The following RNFT1 variants were observed in gnomAD, a reference collection of about 807,000 sequenced individuals.
The protein encoded by RNFT1 is E3 ubiquitin-protein ligase RNFT1.
Under a neutral mutation model 53.2 loss-of-function variants are expected in RNFT1, and 35 were observed. That is an observed-to-expected ratio of 0.66 (90% CI 0.50 to 0.87). RNFT1 has a LOEUF of 0.87. Ranked by LOEUF, RNFT1 falls within the 40% of genes least tolerant of loss-of-function variation. The pLI, the probability that RNFT1 is intolerant of heterozygous loss-of-function variation, is 0.00. For missense variants in RNFT1, 421 were observed against 515.0 expected (o/e 0.82, Z 1.77); for synonymous variants, 141 against 172.8 (o/e 0.82, Z 1.44).
At chr17:59,956,650 ATTAAC>A (rs771969659) in intron 6 of RNFT1, 97 bp from the exon 7 acceptor site, 10 of 802,752 alleles carry the variant, frequency 1.2e-5, no homozygotes, top group Middle Eastern at 2.5e-4. Context: ...AAATCCTCAT[ATTAAC>A]TTAATGTTCA....
At chr17:59,954,450 CTA>C (rs2045241571) in intron 7 of RNFT1, among the ~76,000 whole-genome samples, 2 of 152,152 alleles carry the variant, frequency 1.3e-5, no homozygotes, top group African/African-American at 4.8e-5. Context: ...TGAAATGTAA[CTA>C]TTATAAAATC....
chr17:59,962,944 A>T lies in RNFT1; in HGVS notation c.397T>A (p.Ser133Thr). Residue 133 changes from serine (S) to threonine (T), a missense_variant, in exon 2 of 9, where the codon TCT (serine) becomes ACT (threonine). Transcript: ENST00000305783. ...ARLTDDTAAE[S>T]GDHGSSSFSE... The stretch of plus-strand genomic sequence containing the variant: ...AAGGAGCTACTACCATGATCTCCAG[A>T]TTCTGCGGCAGTATCATCAGTCAGC... 3.1e-6 allele frequency: 5 copies of T among 1,614,224 alleles called. No individual in the cohort carries two copies. The highest frequency in any genetic ancestry group is 3.4e-6 in the Non-Finnish European group (4 of 1,180,046).
Position 59,960,147 on chromosome 17 carries a change from A to G in RNFT1, c.613T>C (p.Cys205Arg), listed in dbSNP as rs2045279439. The change falls in exon 4 of 9, where the codon TGT becomes CGT. Residue 205 changes from cysteine (C) to arginine (R), a missense_variant. By Grantham distance (180) the Cys-to-Arg change is radical. Coordinates refer to ENST00000305783, the MANE Select transcript of RNFT1 (RefSeq NM_016125.4). ...FLRERSSKIQ[C>R]AWLLVFLAGS... ...GCTAAGAATACCAGTAACCAAGCAC[A>G]CTGAATCTTTGAGGACCTTTCCTGA... 1.2e-6 allele frequency: 2 copies of G among 1,606,308 alleles called. No individual in the cohort carries two copies. Among genetic ancestry groups the G allele is most frequent in the Admixed American group, 3.4e-5 (2 of 58,208 alleles).
intron 4 of RNFT1, 91 bp downstream of exon 4, chr17:59,959,977 T>A: frequency 3.4e-6 from 4 of 1,183,072 alleles, no homozygotes; most frequent in Non-Finnish European, 3.4e-6. Context: ...CTGAACTGAA[T>A]ACAATAAGTA....
In RNFT1 at chr17:59,954,150, T is replaced by C. The variant is rs1389880057; in HGVS notation, c.1072-4A>G. On this transcript the variant is annotated splice_region_variant and splice_polypyrimidine_tract_variant and intron_variant, in intron 7 of 8. Coordinates refer to ENST00000305783, the MANE Select transcript of RNFT1 (RefSeq NM_016125.4). ...TGCTGGCAGCCACTCCATAACTCTA[T>C]GAAGATAGTAAGTTCTGTTCATCTA... 2.5e-6 allele frequency: 4 copies of C among 1,571,238 alleles called. No homozygotes were observed. The highest frequency in any genetic ancestry group is 2.3e-5 in the East Asian group (1 of 44,376).
intron 6 of RNFT1, 115 bp downstream of exon 6, chr17:59,957,109 T>C: frequency 9.5e-7 from 1 of 1,056,816 alleles, no homozygotes; most frequent in Non-Finnish European, 1.4e-6. Context: ...CTGCTATTAC[T>C]TCAAACTAGT....
rs749416565 is a variant in RNFT1, at chr17:59,962,907, C to A, written c.434G>T (p.Arg145Leu). Residue 145 changes from arginine (R) to leucine (L), a missense_variant, in exon 2 of 9, where the codon CGC becomes CTC. Coordinates refer to ENST00000305783, the MANE Select transcript of RNFT1 (RefSeq NM_016125.4). ...DHGSSSFSEFRYLFKWLQKSL... is the reference protein window; with the variant it reads ...DHGSSSFSEFLYLFKWLQKSL... ...TTTTTGCAGCCACTTGAAGAGATAG[C>A]GGAATTCTGAGAAGGAGCTACTACC... 20 of 1,614,122 alleles carry A rather than the reference C, an allele frequency of 1.2e-5. No individual in the cohort carries two copies. The highest frequency in any genetic ancestry group is 1.5e-5 in the Non-Finnish European group (18 of 1,180,010).
At chr17:59,955,283 C>T (rs931069763) in intron 7 of RNFT1, among the ~76,000 whole-genome samples, 1 of 152,086 alleles carries the variant, frequency 6.6e-6, no homozygotes, top group African/African-American at 2.4e-5. Context: ...GTGTCAATTT[C>T]CCTTCAGTAA....
intron 4 of RNFT1, chr17:59,959,845 G>A (rs1250503947): frequency 7.6e-6 from 2 of 262,926 alleles, no homozygotes; most frequent in East Asian, 7.9e-5. Flanking sequence ...GAGAGGCAAA[G>A]GTTGCAGTGA....
rs146036461 is a variant in RNFT1 at position 59,962,854 on chromosome 17, C to T, written c.487G>A (p.Val163Ile). The part of the protein sequence containing the change: ...KSLPYILILS[V>I]KLVMQHITGI... ...GTTATATGCTGCATAACAAGTTTGA[C>T]GCTCAGAATCAAAATATATGGAAGA... Residue 163 changes from valine to isoleucine, a missense_variant, in exon 2 of 9, where the codon GTC (valine) becomes ATC (isoleucine). By Grantham distance (29) the Val-to-Ile change is conservative. Transcript: ENST00000305783. 248 of 1,612,114 alleles carry T rather than the reference C, an allele frequency of 1.5e-4. 1 individual carries two copies. The highest frequency in any genetic ancestry group is 1.5e-3 in the African/African-American group (110 of 74,992).
In RNFT1 at chr17:59,954,155, A is replaced by G. The variant is rs1568541647; in HGVS notation, c.1072-9T>C. The G allele has an allele frequency of 6.4e-7, 1 of 1,550,990 alleles. No homozygotes were observed. Among genetic ancestry groups the G allele is most frequent in the Non-Finnish European group, 8.8e-7 (1 of 1,134,686 alleles). ...GCAGCCACTCCATAACTCTATGAAG[A>G]TAGTAAGTTCTGTTCATCTACAAAT... On this transcript the variant is annotated splice_polypyrimidine_tract_variant and intron_variant, in intron 7 of 8. Transcript: ENST00000305783.
chr17:59,959,853 T>C, intron 4 of RNFT1: 3 of 278,304 alleles, frequency 1.1e-5, no homozygotes, highest in Non-Finnish European at 2.0e-5. Context: ...AAGGTTGCAG[T>C]GAGCCAAGAT....
At chr17:59,957,808 G>A (rs1406839632) in intron 5 of RNFT1, among the ~76,000 whole-genome samples, 1 of 152,124 alleles carries the variant, frequency 6.6e-6, no homozygotes, top group African/African-American at 2.4e-5. Context: ...TCACACCACT[G>A]CACTCCAGCC....
chr17:59,961,584 CT>C (rs948473935), intron 3 of RNFT1, among the ~76,000 whole-genome samples: 75 of 146,750 alleles, frequency 5.1e-4, no homozygotes, highest in Admixed American at 1.2e-3. Flanking sequence ...CATTTTCTCT[CT>C]TTTTTTTTTT....
At position 59,962,418 on chromosome 17, in the gene RNFT1, G is replaced by A. The variant is rs548075040; in HGVS notation, c.591+122C>T. On this transcript the variant is annotated intron_variant, in intron 3 of 8. Coordinates refer to ENST00000305783, the MANE Select transcript of RNFT1 (RefSeq NM_016125.4). ...ATAACAAATTTAACATAACGTGGAT[G>A]TTACAATATATCCTATTACTTCCTA... 14 of 613,920 alleles carry A rather than the reference G, an allele frequency of 2.3e-5. No individual in the cohort carries two copies. The African/African-American group carries it at 2.6e-4, about 11-fold the overall frequency. The allele number at this position is 613,920 out of a possible 1,614,324, so 38.0% of individuals were successfully genotyped here.
rs189867373 is a variant in RNFT1, at chr17:59,954,802, T to C, written c.1072-656A>G. On this transcript the variant is annotated intron_variant, in intron 7 of 8. Transcript: ENST00000305783. ...ACATAAAAAAGTTTTACGGAGAAAC[T>C]GCAACTGTAAATGTCGCTTTGGTAG... 1.3e-3 allele frequency among the ~76,000 whole-genome samples: 201 copies of C among 152,220 alleles called. 1 individual carries two copies. Among genetic ancestry groups the C allele is most frequent in the African/African-American group, 4.6e-3 (193 of 41,582 alleles).
intron 3 of RNFT1, among the ~76,000 whole-genome samples, chr17:59,962,164 T>C (rs1206188546): frequency 1.3e-5 from 2 of 152,128 alleles, no homozygotes; most frequent in Non-Finnish European, 2.9e-5. Flanking sequence ...GGATTACAGG[T>C]GTGAGCCACC....
chr17:59,956,608 C>A, intron 6 of RNFT1, 55 bp from the exon 7 acceptor site: 1 of 1,348,380 alleles, frequency 7.4e-7, no homozygotes, highest in South Asian at 1.2e-5. Flanking sequence ...ATTTGCTAAA[C>A]CCAAAAACCA....
In RNFT1 at chr17:59,963,107, A is replaced by C; in HGVS notation, c.234T>G (p.Asp78Glu). ...TGEGSCPHSGDVHIQINSIPK... is the reference protein window; with the variant it reads ...TGEGSCPHSGEVHIQINSIPK... ...GTATGGAGTTTATCTGGATATGAAC[A>C]TCTCCAGAATGAGGGCAAGAACCCT... The change falls in exon 2 of 9, where the codon GAT becomes GAG. Residue 78 changes from aspartate (D) to glutamate (E), a missense_variant. Transcript: ENST00000305783. The C allele has an allele frequency of 6.2e-7, 1 of 1,614,220 alleles. No individual in the cohort carries two copies. The highest frequency in any genetic ancestry group is 8.5e-7 in the Non-Finnish European group (1 of 1,180,042).
Sources: allele counts gnomAD v4.1 joint callset (sites outside exome capture counted in the v4.1 genomes callset), GRCh38; gene constraint gnomAD v4.1.1; transcripts MANE v1.5; gene names NCBI Gene and HGNC (gene_info 2026-07-23, HGNC 2026-07-21).